Variants in PLXNA4 observed in about 807,000 individuals in gnomAD.
PLXNA4 encodes plexin A4, also known as plexin-A4.
In PLXNA4, 44 loss-of-function variants were observed where a neutral mutation model predicts 191.8. That is an observed-to-expected ratio of 0.23 (90% CI 0.18 to 0.29). The LOEUF (loss-of-function observed/expected upper bound fraction) is 0.29, where lower values mean the gene tolerates loss of function less well. PLXNA4 is among the 10% of genes least tolerant of loss of function. PLXNA4 has a pLI of 1.00. For synonymous variants in PLXNA4, 1,082 were observed against 1,009.5 expected (o/e 1.07, Z -1.36); for missense variants, 1,800 against 2,488.8 (o/e 0.72, Z 5.89).
intron 2 of PLXNA4, among the ~76,000 whole-genome samples, chr7:132,609,479 C>T (rs1019293695): frequency 6.6e-6 from 1 of 152,156 alleles, no homozygotes; most frequent in African/African-American, 2.4e-5. Context: ...GACCAGCCTT[C>T]CCCTTAGTCC....
intron 3 of PLXNA4, among the ~76,000 whole-genome samples, chr7:132,436,612 A>G (rs1795479821): frequency 6.6e-6 from 1 of 152,352 alleles, no homozygotes; most frequent in Non-Finnish European, 1.5e-5. Context: ...TGCAAAGAAA[A>G]GTCCCTATGC....
intron 1 of PLXNA4, among the ~76,000 whole-genome samples, chr7:132,554,678 G>C (rs1252567334): frequency 6.6e-6 from 1 of 152,184 alleles, no homozygotes; most frequent in African/African-American, 2.4e-5. Flanking sequence ...CTTTACACAG[G>C]AGAATCCCAG....
At chr7:132,174,631 G>A in intron 21 of PLXNA4, 147 bp downstream of exon 21, 1 of 1,253,830 alleles carries the variant, frequency 8.0e-7, no homozygotes, top group African/African-American at 1.5e-5. Context: ...CCAGAGGGAT[G>A]GACTGGTGCT....
At chr7:132,344,461 C>T (rs1167701908) in intron 3 of PLXNA4, among the ~76,000 whole-genome samples, 1 of 152,168 alleles carries the variant, frequency 6.6e-6, no homozygotes, top group Non-Finnish European at 1.5e-5. Context: ...TTTACCCCTG[C>T]AGAGCAGGTG....
intron 3 of PLXNA4, among the ~76,000 whole-genome samples, chr7:132,362,839 T>C (rs959855868): frequency 1.3e-5 from 2 of 152,178 alleles, no homozygotes; most frequent in African/African-American, 4.8e-5. Context: ...ATTTGTGAAA[T>C]ATGCATGCAT....
chr7:132,517,273 G>C lies in PLXNA4; in HGVS notation c.-86-8494C>G, dbSNP rs1798978847. On this transcript the variant is annotated intron_variant, in intron 1 of 31. Coordinates refer to ENST00000321063, the MANE Select transcript of PLXNA4 (RefSeq NM_020911.2). The stretch of plus-strand genomic sequence containing the variant: ...CCTCTCCATTTCCACATGGTATCCA[G>C]GTGTGACTGTGTGAATAGCAAGGTC... 3.3e-5 allele frequency among the ~76,000 whole-genome samples: 5 copies of C among 152,146 alleles called. No homozygotes were observed. In the South Asian group the frequency reaches 6.2e-4, roughly 19 times the overall value.
intron 1 of PLXNA4, among the ~76,000 whole-genome samples, chr7:132,545,723 G>A (rs1451228160): frequency 6.6e-6 from 1 of 152,160 alleles, no homozygotes; most frequent in Non-Finnish European, 1.5e-5. Context: ...TGAGGATTAA[G>A]AAAATTTGGA....
rs144131408 is a variant in PLXNA4, at chr7:132,498,629, C to T, written c.1188+8877G>A. ...ATGAGAGTATGCATGGGAAAAAACA[C>T]GGTATATATGGGGTTTGGGACTATC... On this transcript the variant is annotated intron_variant, in intron 2 of 31. Coordinates refer to ENST00000321063, the MANE Select transcript of PLXNA4 (RefSeq NM_020911.2). Among the ~76,000 whole-genome samples the T allele has an allele frequency of 6.1e-3, 929 of 152,122 alleles. 19 individuals are homozygous for T. Among genetic ancestry groups the T allele is most frequent in the African/African-American group, 0.021 (868 of 41,488 alleles).
chr7:132,562,540 T>C (rs1335295175), intron 1 of PLXNA4, among the ~76,000 whole-genome samples: 15 of 67,236 alleles, frequency 2.2e-4, no homozygotes, highest in Admixed American at 4.9e-4. Context: ...TTCTCCTCTT[T>C]CTCCTCCTCC....
Position 132,164,251 on chromosome 7 carries a change from G to A in PLXNA4, c.4391C>T (p.Ala1464Val). Residue 1464 changes from alanine to valine, a missense_variant, in exon 24 of 32, where the codon GCC (alanine) becomes GTC (valine). Physicochemically the swap from Ala to Val is moderately conservative, Grantham distance 64 (BLOSUM62 0). Transcript: ENST00000321063. ...AGEPLFSLFC[A>V]IKQQMEKGPI... ...GCCCTTCTCCATCTGCTGCTTGATG[G>A]CACAGAACAGGGAGAAGAGGGGCTC... 1 of 1,614,210 alleles carries A rather than the reference G, an allele frequency of 6.2e-7. No homozygotes were observed.
chr7:132,417,674 A>C (rs1472410635), intron 3 of PLXNA4, among the ~76,000 whole-genome samples: 3 of 150,340 alleles, frequency 2.0e-5, no homozygotes, highest in African/African-American at 7.3e-5. Context: ...AGAGAAAAAG[A>C]CTGAAAAGGA....
rs1198594745 is a variant in PLXNA4, at chr7:132,179,034, A to G, written c.3874+653T>C. Among the ~76,000 whole-genome samples, 111 of 61,802 alleles carry G rather than the reference A, an allele frequency of 1.8e-3. 2 individuals are homozygous for G. Among genetic ancestry groups the G allele is most frequent in the South Asian group, 6.9e-3 (5 of 722 alleles). The allele number at this position is 61,802 out of a possible 152,430, so 40.5% of individuals were successfully genotyped here. On this transcript the variant is annotated intron_variant, in intron 20 of 31. Coordinates refer to ENST00000321063, the MANE Select transcript of PLXNA4 (RefSeq NM_020911.2). The stretch of plus-strand genomic sequence containing the variant: ...CATACACATATACAGGCGCGCGCGC[A>G]CACACACACACACACACACACACGG...
intron 3 of PLXNA4, among the ~76,000 whole-genome samples, chr7:132,339,735 G>T (rs953486944): frequency 5.3e-5 from 8 of 152,096 alleles, no homozygotes; most frequent in Non-Finnish European, 8.8e-5. Context: ...ATCTTTTTAG[G>T]TTAGGATGGA....
At chr7:132,469,228 G>A (rs1796837824) in intron 3 of PLXNA4, among the ~76,000 whole-genome samples, 1 of 152,038 alleles carries the variant, frequency 6.6e-6, no homozygotes, top group African/African-American at 2.4e-5. Context: ...CAAGGGCATG[G>A]GTTTTGGAGT....
Position 132,266,018 on chromosome 7 carries a change from G to C in PLXNA4, c.1504-24852C>G, listed in dbSNP as rs372078383. 1.2e-4 allele frequency among the ~76,000 whole-genome samples: 19 copies of C among 152,318 alleles called. No individual in the cohort carries two copies. The East Asian group carries it at 2.1e-3, about 17-fold the overall frequency. On this transcript the variant is annotated intron_variant, in intron 4 of 31. Transcript: ENST00000321063. Reference sequence around the variant, plus strand: ...TCAGAATCAAGAAGAAGTTGACTCAGTATCAATGTGTGGCTCAGCAGACAT... The same window carrying C: ...TCAGAATCAAGAAGAAGTTGACTCACTATCAATGTGTGGCTCAGCAGACAT...
intron 2 of PLXNA4, among the ~76,000 whole-genome samples, chr7:132,618,362 A>G (rs1422817897): frequency 6.6e-6 from 1 of 152,154 alleles, no homozygotes; most frequent in African/African-American, 2.4e-5. Context: ...TCTATGTCCC[A>G]TTAGGGGAAG....
intron 14 of PLXNA4, among the ~76,000 whole-genome samples, chr7:132,188,271 T>A (rs999123633): frequency 6.6e-6 from 1 of 152,174 alleles, no homozygotes; most frequent in Non-Finnish European, 1.5e-5. Flanking sequence ...GGAGTCCAGG[T>A]TGGGGGCAGG....
chr7:132,537,173 T>C (rs932261935), intron 1 of PLXNA4, among the ~76,000 whole-genome samples: 1 of 152,188 alleles, frequency 6.6e-6, no homozygotes, highest in Non-Finnish European at 1.5e-5. Context: ...TGATCCTGTC[T>C]GAGACCACGC....
chr7:132,283,917 G>C (rs1334141015), intron 4 of PLXNA4, among the ~76,000 whole-genome samples: 1 of 152,246 alleles, frequency 6.6e-6, no homozygotes, highest in Non-Finnish European at 1.5e-5. Context: ...GCTCATGCCT[G>C]TAATCCCAGT....
Sources: gnomAD v4.1 joint callset for allele counts (sites outside exome capture counted in the v4.1 genomes callset) on GRCh38, gnomAD v4.1.1 for gene constraint, MANE v1.5 for transcripts, NCBI Gene and HGNC (gene_info 2026-07-23, HGNC 2026-07-21) for gene names.